Variants in WDR47 observed in about 807,000 individuals in gnomAD.
WDR47 encodes WD repeat-containing protein 47.
In WDR47, 32 loss-of-function variants were observed where a neutral mutation model predicts 97.2. That is an observed-to-expected ratio of 0.33 (90% confidence interval 0.25 to 0.44). The LOEUF (loss-of-function observed/expected upper bound fraction) is 0.44, where lower values mean the gene tolerates loss of function less well. WDR47 is among the 20% of genes least tolerant of loss of function. The pLI, the probability that WDR47 is intolerant of heterozygous loss-of-function variation, is 1.00. For synonymous variants in WDR47, 375 were observed against 373.5 expected, an observed-to-expected ratio of 1.00 and a Z score of -0.05; for missense variants, 782 against 1,102.3, an observed-to-expected ratio of 0.71 and a Z score of 4.11.
At chr1:108,982,013 A>G in intron 12 of WDR47, 149 bp from the exon 13 acceptor site, 1 of 791,578 alleles carries the variant, frequency 1.3e-6, no homozygotes, top group South Asian at 1.9e-5. Flanking sequence ...GCTGGAGCCC[A>G]GGAGTTCGAG....
chr1:108,994,985 T>C (rs757523363), intron 8 of WDR47, among the ~76,000 whole-genome samples: 5 of 152,204 alleles, frequency 3.3e-5, no homozygotes, highest in Non-Finnish European at 7.3e-5. Context: ...AAGCTGGGAA[T>C]CTCATCTTAT....
intron 2 of WDR47, among the ~76,000 whole-genome samples, chr1:109,022,556 G>A (rs1037312521): frequency 2.6e-5 from 4 of 152,108 alleles, no homozygotes; most frequent in African/African-American, 9.7e-5. Flanking sequence ...ACATTCTACA[G>A]AAAGCATTAT....
At chr1:108,994,548 A>G (rs1034183180) in intron 8 of WDR47, among the ~76,000 whole-genome samples, 1 of 152,168 alleles carries the variant, frequency 6.6e-6, no homozygotes, top group Admixed American at 6.6e-5. Context: ...ATTTGAGACC[A>G]GCCTAGGCAA....
intron 1 of WDR47, among the ~76,000 whole-genome samples, chr1:109,027,581 TG>T (rs1662298669): frequency 6.6e-6 from 1 of 151,960 alleles, no homozygotes; most frequent in African/African-American, 2.4e-5. Flanking sequence ...AAGAGTGCAG[TG>T]GTGCAATCTC....
intron 6 of WDR47, among the ~76,000 whole-genome samples, chr1:109,004,223 C>T (rs1427296087): frequency 6.6e-6 from 1 of 151,764 alleles, no homozygotes; most frequent in Non-Finnish European, 1.5e-5. Context: ...CGAGATCGCA[C>T]CACTGCACTC....
Position 109,011,225 on chromosome 1 carries a change from T to C in WDR47, c.821A>G (p.Lys274Arg). 6.2e-7 allele frequency: 1 copy of C among 1,614,090 alleles called. No individual in the cohort carries two copies. Among genetic ancestry groups the C allele is most frequent in the Non-Finnish European group, 8.5e-7 (1 of 1,180,034 alleles). Residue 274 changes from lysine (K) to arginine (R), a missense_variant, in exon 5 of 15, where the codon AAA becomes AGA. By Grantham distance (26) the Lys-to-Arg change is conservative. This residue lies in a region of WDR47 where 428 missense variants were observed against 584.3 expected (regional missense o/e 0.73). Coordinates refer to ENST00000369962, the MANE Select transcript of WDR47 (RefSeq NM_001142551.2). ...ATCAGCATATGCAGCTTTTGTAGGT[T>C]TCAGAAGTTTGTCAACATGAATATT... ...MLNIHVDKLL[K>R]PTKAAYADLL...
At chr1:109,022,524 C>G (rs532945965) in intron 2 of WDR47, among the ~76,000 whole-genome samples, 11 of 152,286 alleles carry the variant, frequency 7.2e-5, no homozygotes, top group African/African-American at 2.4e-4. Context: ...TTTTAACAGA[C>G]CTCTGGGTCT....
intron 3 of WDR47, among the ~76,000 whole-genome samples, chr1:109,016,290 C>A (rs1461200134): frequency 6.6e-6 from 1 of 152,022 alleles, no homozygotes; most frequent in Non-Finnish European, 1.5e-5. Flanking sequence ...GCAGTCCCAG[C>A]CACACAGGAG....
chr1:108,991,326 A>G lies in WDR47; in HGVS notation c.1695T>C (p.Ser565=). 6.2e-7 allele frequency: 1 copy of G among 1,611,298 alleles called. No homozygotes were observed. The highest frequency in any genetic ancestry group is 1.1e-5 in the South Asian group (1 of 90,780). ...GTGGCTTAATGACCGAATGTTCTGA[A>G]GAGCTGTGGGAGTAGAAATTCAAGT... is the stretch of plus-strand genomic sequence containing the variant. The part of the protein sequence containing the change: ...LEESPCGSQI[S]SEHSVIKPPL... The change falls in exon 9 of 15, where the codon TCT becomes TCC. Residue 565 remains serine, a synonymous_variant. Transcript: ENST00000369962.
At chr1:108,981,153 G>T (rs545915069) in intron 13 of WDR47, among the ~76,000 whole-genome samples, 19 of 152,058 alleles carry the variant, frequency 1.2e-4, no homozygotes, top group African/African-American at 4.6e-4. Context: ...CAAAGAGGTG[G>T]TACAATGCAA....
At chr1:108,973,564 A>C (rs1199465166) in intron 14 of WDR47, among the ~76,000 whole-genome samples, 2 of 152,198 alleles carry the variant, frequency 1.3e-5, no homozygotes, top group African/African-American at 4.8e-5. Flanking sequence ...TTAATGTAGA[A>C]GCTAATAACA....
In WDR47 at chr1:108,970,846, A is replaced by C. The variant is rs537172154; in HGVS notation, c.*584T>G. The C allele has an allele frequency of 2.0e-5, 3 of 152,486 alleles. No individual in the cohort carries two copies. In the South Asian group the frequency reaches 6.2e-4, roughly 32 times the overall value. 9.4% of individuals were successfully genotyped at this position (152,486 alleles called of 1,614,324 possible). A position where few individuals can be genotyped will look rare whatever the true frequency, so the allele number is the denominator to read the frequency against. On this transcript the variant is annotated 3_prime_UTR_variant, in exon 15 of 15. Coordinates refer to ENST00000369962, the MANE Select transcript of WDR47 (RefSeq NM_001142551.2). ...GCCTATACCATGTAGTAAACTAAGA[A>C]GCAGTTTTTCATTCATCTTTAAACT... is the stretch of plus-strand genomic sequence containing the variant.
intron 9 of WDR47, 31 bp from the exon 10 acceptor site, chr1:108,986,711 T>C (rs530430070): frequency 6.7e-7 from 1 of 1,486,542 alleles, no homozygotes; most frequent in Non-Finnish European, 9.1e-7. Flanking sequence ...AGTTATCCTA[T>C]TAAAAAAATG....
At position 109,002,286 on chromosome 1, in the gene WDR47, T is replaced by C; in HGVS notation, c.1371A>G (p.Gly457=). ...RQIYQQMLLE[G]GVNQEDGPDQ... ...CAGGACCATCCTCCTGATTCACGCC[T>C]CCTTCAAGCAACATCTGTTGGTATA... Residue 457 remains glycine (G), a synonymous_variant, in exon 7 of 15, where the codon GGA becomes GGG. Transcript: ENST00000369962. 6.2e-7 allele frequency: 1 copy of C among 1,612,690 alleles called. No homozygotes were observed. The highest frequency in any genetic ancestry group is 8.5e-7 in the Non-Finnish European group (1 of 1,179,840).
intron 5 of WDR47, among the ~76,000 whole-genome samples, chr1:109,008,016 C>T (rs865944711): frequency 1.7e-4 from 26 of 151,726 alleles, no homozygotes; most frequent in Non-Finnish European, 3.8e-4. Flanking sequence ...GCAGGAGAAT[C>T]GCTTGAACCC....
Position 109,002,204 on chromosome 1 carries a change from A to G in WDR47, c.1433+20T>C, listed in dbSNP as rs778202661. The G allele has an allele frequency of 6.5e-7, 1 of 1,534,966 alleles. No homozygotes were observed. The highest frequency in any genetic ancestry group is 8.7e-7 in the Non-Finnish European group (1 of 1,146,968). On this transcript the variant is annotated intron_variant, in intron 7 of 14. Transcript: ENST00000369962. ...GCTTTCAAATAACTCCATATTTTAAAAAGTGATTAGAAGACCAACCTATTA... is the reference window on the plus strand; with the variant it reads ...GCTTTCAAATAACTCCATATTTTAAGAAGTGATTAGAAGACCAACCTATTA...
chr1:108,977,254 C>T (rs894425284), intron 13 of WDR47, among the ~76,000 whole-genome samples: 19 of 152,220 alleles, frequency 1.2e-4, no homozygotes, highest in Admixed American at 9.8e-4. Context: ...CAGGTTCAAG[C>T]GATTCTCCTG....
intron 13 of WDR47, among the ~76,000 whole-genome samples, chr1:108,979,643 T>C (rs1658190901): frequency 6.6e-6 from 1 of 152,200 alleles, no homozygotes; most frequent in African/African-American, 2.4e-5. Flanking sequence ...TCTTAATCTA[T>C]GGTAGGAAGT....
intron 8 of WDR47, 121 bp from the exon 9 acceptor site, chr1:108,991,450 A>C (rs773258792): frequency 5.5e-6 from 4 of 721,200 alleles, no homozygotes; most frequent in Non-Finnish European, 9.0e-6. Context: ...CTCCAAAGTT[A>C]CTCTCTGGAG....
Sources: gnomAD v4.1 joint callset for allele counts (sites outside exome capture counted in the v4.1 genomes callset) on GRCh38, gnomAD v4.1.1 for gene constraint, gnomAD v4.1.1 regional missense constraint, MANE v1.5 for transcripts, NCBI Gene and HGNC (gene_info 2026-07-23, HGNC 2026-07-21) for gene names.